The following AKAP9 variants were observed in gnomAD, a reference collection of about 807,000 sequenced individuals.
The protein encoded by AKAP9 is A-kinase anchoring protein 9.
A neutral mutation model predicts 488.5 loss-of-function variants in AKAP9; 311 were observed. That is an observed-to-expected ratio of 0.64 (90% CI 0.58 to 0.70). AKAP9 has a LOEUF of 0.70. AKAP9 is among the 30% of genes least tolerant of loss of function. The pLI, the probability that AKAP9 is intolerant of heterozygous loss-of-function variation, is 0.00. For synonymous variants in AKAP9, 1,462 were observed against 1,483.5 expected (o/e 0.99, Z 0.33); for missense variants, 4,215 against 4,374.5 (o/e 0.96, Z 1.03).
At position 91,980,199 on chromosome 7, in the gene AKAP9, A is replaced by G. The variant is rs1023984657; in HGVS notation, c.307-90A>G. ...TAGTGGTATTTTATGTGACTTTTCT[A>G]TCATATGTTACCAATAGTAATGGTT... is the stretch of plus-strand genomic sequence containing the variant. On this transcript the variant is annotated intron_variant, in intron 2 of 49. Coordinates refer to ENST00000356239, the MANE Select transcript of AKAP9 (RefSeq NM_005751.5). 11 of 727,174 alleles carry G rather than the reference A, an allele frequency of 1.5e-5. No individual in the cohort carries two copies. In the African/African-American group the frequency reaches 1.6e-4, roughly 11 times the overall value. The allele number at this position is 727,174 out of a possible 1,614,324, so 45.0% of individuals were successfully genotyped here.
intron 30 of AKAP9, 42 bp downstream of exon 30, chr7:92,077,917 G>C: frequency 2.6e-5 from 39 of 1,480,402 alleles, no homozygotes; most frequent in Non-Finnish European, 3.6e-5. Context: ...ATATGAACCA[G>C]AGTTTTAAAG....
At chr7:92,077,087 T>C (rs1010642989) in intron 29 of AKAP9, 80 bp downstream of exon 29, 10 of 444,580 alleles carry the variant, frequency 2.2e-5, no homozygotes, top group Non-Finnish European at 2.5e-5. Context: ...TTATTATTAT[T>C]ATTTCTTTCT....
rs747994062 is a variant in AKAP9 at position 92,080,102 on chromosome 7, CAGAG to C, written c.7975_7978del (p.Glu2659LysfsTer62). ...GCTATTGGAGGGCAATGAGAAAAAA[CAGAG>C]AGAGAAAGAAAAGAAAAGAAGCCCT... On this transcript the variant is annotated frameshift_variant, in exon 31 of 50. Coordinates refer to ENST00000356239, the MANE Select transcript of AKAP9 (RefSeq NM_005751.5). LOFTEE classifies it high-confidence loss of function. The C allele has an allele frequency of 6.9e-6, 11 of 1,592,024 alleles. No homozygotes were observed. The highest frequency in any genetic ancestry group is 2.2e-5 in the East Asian group (1 of 44,738).
At chr7:92,069,531 A>C (rs1408978479) in intron 26 of AKAP9, among the ~76,000 whole-genome samples, 1 of 152,230 alleles carries the variant, frequency 6.6e-6, no homozygotes, top group East Asian at 1.9e-4. Context: ...TTTTAGAAAA[A>C]AATTTTTGAA....
chr7:92,061,299 G>C lies in AKAP9; in HGVS notation c.5641G>C (p.Glu1881Gln). The C allele has an allele frequency of 6.2e-7, 1 of 1,612,828 alleles. No homozygotes were observed. The highest frequency in any genetic ancestry group is 8.5e-7 in the Non-Finnish European group (1 of 1,179,272). Residue 1881 changes from glutamate (E) to glutamine (Q), a missense_variant, in exon 23 of 50, where the codon GAG (glutamate) becomes CAG (glutamine). Physicochemically the swap from Glu to Gln is conservative, Grantham distance 29. Around this residue, in one of 5 missense-constraint regions of AKAP9, gnomAD observed 2,361 missense variants for 2,430.0 expected, o/e 0.97. Coordinates refer to ENST00000356239, the MANE Select transcript of AKAP9 (RefSeq NM_005751.5). ...AGTGACACAGACAGAGTTGATGCGTGAGTCATTTAGACAGAAACAAGAAGC... is the reference window on the plus strand; with the variant it reads ...AGTGACACAGACAGAGTTGATGCGTCAGTCATTTAGACAGAAACAAGAAGC... ...AKVTQTELMR[E>Q]SFRQKQEATE...
rs1391373531 is a variant in AKAP9 at position 92,017,073 on chromosome 7, C to T, written c.3808C>T (p.Leu1270Phe). 19 of 1,589,304 alleles carry T rather than the reference C, an allele frequency of 1.2e-5. No homozygotes were observed. The highest frequency in any genetic ancestry group is 1.7e-5 in the Admixed American group (1 of 58,976). Residue 1270 changes from leucine to phenylalanine, a missense_variant, in exon 12 of 50, where the codon CTC (leucine) becomes TTC (phenylalanine). Transcript: ENST00000356239. Reference protein sequence around the residue: ...LNKVTEEYNKLLVLQTRLSKI... With the variant: ...LNKVTEEYNKFLVLQTRLSKI... ...CAAAGTAACAGAAGAATACAACAAA[C>T]TCTTGGTACTTCAAACACGACTAAG...
In AKAP9 at chr7:92,005,761, G is replaced by A. The variant is rs1430605511; in HGVS notation, c.3318+2526G>A. 2.6e-5 allele frequency among the ~76,000 whole-genome samples: 4 copies of A among 152,250 alleles called. No individual in the cohort carries two copies. In the East Asian group the frequency reaches 7.7e-4, roughly 29 times the overall value. ...GCTCACTACAACCTCCGCCTCCCGGGTTCAATCAATTCTCCTGCCTCAGCC... is the reference window on the plus strand; with the variant it reads ...GCTCACTACAACCTCCGCCTCCCGGATTCAATCAATTCTCCTGCCTCAGCC... On this transcript the variant is annotated intron_variant, in intron 8 of 49. Transcript: ENST00000356239.
chr7:92,053,440 C>T (rs1231135313), intron 22 of AKAP9, among the ~76,000 whole-genome samples: 1 of 152,128 alleles, frequency 6.6e-6, no homozygotes, highest in Non-Finnish European at 1.5e-5. Context: ...TTCCAATAGG[C>T]TACTTGTTCT....
chr7:91,973,685 A>G (rs1249308032), intron 1 of AKAP9, 26 bp from the exon 2 acceptor site: 3 of 1,610,290 alleles, frequency 1.9e-6, no homozygotes, highest in East Asian at 2.2e-5. Context: ...ATCTTTGACA[A>G]TAACGGTTAT....
intron 22 of AKAP9, among the ~76,000 whole-genome samples, chr7:92,058,739 G>C (rs551861282): frequency 6.6e-6 from 1 of 152,096 alleles, no homozygotes; most frequent in East Asian, 1.9e-4. Flanking sequence ...GAGAGACTCG[G>C]TATTATGATA....
chr7:92,029,661 A>G (rs1488871370), intron 14 of AKAP9, among the ~76,000 whole-genome samples: 2 of 152,246 alleles, frequency 1.3e-5, no homozygotes, highest in Non-Finnish European at 2.9e-5. Flanking sequence ...ATACATTTGT[A>G]GTGTAAAATG....
intron 1 of AKAP9, among the ~76,000 whole-genome samples, chr7:91,957,047 T>C (rs982194930): frequency 3.3e-5 from 5 of 152,200 alleles, no homozygotes; most frequent in African/African-American, 1.2e-4. Flanking sequence ...AAACTTTTTG[T>C]AACGCGAATA....
intron 7 of AKAP9, among the ~76,000 whole-genome samples, chr7:91,997,601 A>G (rs142288596): frequency 6.6e-6 from 1 of 152,298 alleles, no homozygotes; most frequent in East Asian, 1.9e-4. Flanking sequence ...AAAAATCAGT[A>G]AGGAGCAAAA....
chr7:92,053,615 G>A (rs1028841891), intron 22 of AKAP9, among the ~76,000 whole-genome samples: 1 of 152,114 alleles, frequency 6.6e-6, no homozygotes, highest in Non-Finnish European at 1.5e-5. Context: ...GTCTGACCAT[G>A]GCATTTTCCA....
chr7:92,091,630 C>A (rs1815650960), intron 38 of AKAP9, among the ~76,000 whole-genome samples: 1 of 146,104 alleles, frequency 6.8e-6, no homozygotes, highest in African/African-American at 2.5e-5. Context: ...AGCATTCTTA[C>A]CACTGAGTTT....
In AKAP9 at chr7:91,994,669, C is replaced by G; in HGVS notation, c.625C>G (p.Gln209Glu). The G allele has an allele frequency of 6.2e-7, 1 of 1,613,216 alleles. No individual in the cohort carries two copies. Among genetic ancestry groups the G allele is most frequent in the Non-Finnish European group, 8.5e-7 (1 of 1,179,602 alleles). Reference sequence around the variant, plus strand: ...TAAACAAAGAGATGGCATTATAACCCAGCTCACTGCTAATTTACAACAAGC... The same window carrying G: ...TAAACAAAGAGATGGCATTATAACCGAGCTCACTGCTAATTTACAACAAGC... ...AIKQRDGIIT[Q>E]LTANLQQARR... is the part of the protein sequence containing the mutation. The change falls in exon 6 of 50, where the codon CAG becomes GAG. Residue 209 changes from glutamine to glutamate, a missense_variant. By Grantham distance (29) the Gln-to-Glu change is conservative. This residue lies in a region of AKAP9 where 2,361 missense variants were observed against 2,430.0 expected (regional missense o/e 0.97). Coordinates refer to ENST00000356239, the MANE Select transcript of AKAP9 (RefSeq NM_005751.5).
At chr7:92,077,637 A>C (rs767740300) in intron 29 of AKAP9, 59 bp from the exon 30 acceptor site, 43 of 1,422,650 alleles carry the variant, frequency 3.0e-5, no homozygotes, top group Middle Eastern at 3.5e-4. Context: ...TTTTGTAATT[A>C]TGTTCTGAAA....
intron 23 of AKAP9, among the ~76,000 whole-genome samples, chr7:92,061,761 G>T (rs940718495): frequency 6.6e-6 from 1 of 151,730 alleles, no homozygotes; most frequent in East Asian, 1.9e-4. Flanking sequence ...GAAGCGAAAA[G>T]ATGTTATTAA....
chr7:91,964,914 T>A (rs6980247), intron 1 of AKAP9, among the ~76,000 whole-genome samples: 68,258 of 151,964 alleles, frequency 0.45, 16,427 homozygotes, highest in African/African-American at 0.63. Flanking sequence ...ATTTTTATTG[T>A]TATGTAATGT....
Sources: gnomAD v4.1 joint callset for allele counts (sites outside exome capture counted in the v4.1 genomes callset) on GRCh38, gnomAD v4.1.1 for gene constraint, gnomAD v4.1.1 regional missense constraint, MANE v1.5 for transcripts, NCBI Gene and HGNC (gene_info 2026-07-23, HGNC 2026-07-21) for gene names.